The following CBLC variants were observed in gnomAD, a reference collection of about 807,000 sequenced individuals.
CBLC encodes the protein E3 ubiquitin-protein ligase CBL-C.
CBLC carries 46 observed loss-of-function variants against 58.6 expected under a neutral mutation model. That is an observed-to-expected ratio of 0.79 (90% CI 0.62 to 1.00). The LOEUF (loss-of-function observed/expected upper bound fraction) is 1.00. Among genes scored for constraint, CBLC ranks in the 50% least tolerant of loss-of-function variants. CBLC has a pLI of 0.00. For missense variants in CBLC, 655 were observed against 625.8 expected (o/e 1.05, Z -0.50); for synonymous variants, 271 against 264.2 (o/e 1.03, Z -0.25).
chr19:44,791,499 A>G (rs1011014921), intron 6 of CBLC, among the ~76,000 whole-genome samples: 9 of 151,942 alleles, frequency 5.9e-5, no homozygotes, highest in African/African-American at 1.9e-4. Flanking sequence ...TTGGGAGGCC[A>G]AGGCGGGCAG....
At chr19:44,788,821 C>G (rs1375417837) in intron 5 of CBLC, among the ~76,000 whole-genome samples, 1 of 152,148 alleles carries the variant, frequency 6.6e-6, no homozygotes, top group Admixed American at 6.6e-5. Flanking sequence ...CTTATTTAAT[C>G]CATCACAAAT....
At chr19:44,794,311 G>C (rs369770573) in intron 9 of CBLC, 30 bp downstream of exon 9, 2 of 1,606,808 alleles carry the variant, frequency 1.2e-6, no homozygotes, top group Non-Finnish European at 1.7e-6. Flanking sequence ...GAGGTTGGGG[G>C]CTGGGGTCTC....
chr19:44,797,926 A>C, intron 9 of CBLC, among the ~76,000 whole-genome samples: 1 of 151,846 alleles, frequency 6.6e-6, no homozygotes, highest in East Asian at 1.9e-4. Flanking sequence ...TTTTTTGAGC[A>C]GTGAGGCTGG....
Position 44,782,462 on chromosome 19 carries a change from T to C in CBLC, c.750T>C (p.Arg250=). 6.2e-7 allele frequency: 1 copy of C among 1,613,698 alleles called. No homozygotes were observed. Among genetic ancestry groups the C allele is most frequent in the East Asian group, 2.2e-5 (1 of 44,858 alleles). The change falls in exon 4 of 11, where the codon CGT becomes CGC. Residue 250 remains arginine, a synonymous_variant. Transcript: ENST00000647358. ...TCACCTATGATGAGGTCCAAGAGCG[T>C]CTGCAGGCCTGCAGGGACAAGCCAG... The part of the protein sequence containing the change: ...AFLTYDEVQE[R]LQACRDKPGS...
intron 9 of CBLC, among the ~76,000 whole-genome samples, chr19:44,795,054 T>C (rs1408056098): frequency 1.3e-5 from 2 of 151,444 alleles, no homozygotes; most frequent in Non-Finnish European, 1.5e-5. Flanking sequence ...GCCTCCCAGA[T>C]TCAAGCAATG....
chr19:44,787,348 C>G (rs1053071946), intron 5 of CBLC, among the ~76,000 whole-genome samples: 1 of 152,002 alleles, frequency 6.6e-6, no homozygotes, highest in African/African-American at 2.4e-5. Flanking sequence ...GAGCCGAGAT[C>G]GCGCCACTGT....
At chr19:44,783,913 T>C (rs1190565335) in intron 4 of CBLC, among the ~76,000 whole-genome samples, 1 of 152,216 alleles carries the variant, frequency 6.6e-6, no homozygotes, top group Non-Finnish European at 1.5e-5. Flanking sequence ...AGGGGGCACC[T>C]TGCTCTGACA....
chr19:44,798,533 G>T (rs1030793156), intron 9 of CBLC, among the ~76,000 whole-genome samples: 7 of 152,176 alleles, frequency 4.6e-5, no homozygotes, highest in Non-Finnish European at 8.8e-5. Flanking sequence ...GGCCAACATG[G>T]TGAAACCCCG....
At position 44,781,307 on chromosome 19, in the gene CBLC, A is replaced by C. The variant is rs1326165886; in HGVS notation, c.601A>C (p.Thr201Pro). 1.2e-6 allele frequency: 2 copies of C among 1,613,132 alleles called. No individual in the cohort carries two copies. Among genetic ancestry groups the C allele is most frequent in the Non-Finnish European group, 8.5e-7 (1 of 1,179,964 alleles). ...ALALRTTIDLTCSGHVSIFEF... is the reference protein window; with the variant it reads ...ALALRTTIDLPCSGHVSIFEF... ...GGCCTTGCGCACCACCATTGACCTCACCTGCAGCGGGCACGTGTCCATCTT... is the reference window on the plus strand; with the variant it reads ...GGCCTTGCGCACCACCATTGACCTCCCCTGCAGCGGGCACGTGTCCATCTT... Residue 201 changes from threonine (T) to proline (P), a missense_variant, in exon 3 of 11, where the codon ACC becomes CCC. Around this residue, in one of 3 missense-constraint regions of CBLC, gnomAD observed 371 missense variants for 370.8 expected, o/e 1.00. Coordinates refer to ENST00000647358, the MANE Select transcript of CBLC (RefSeq NM_012116.4).
chr19:44,778,415 C>G (rs866898652), intron 1 of CBLC, 131 bp downstream of exon 1: 4 of 690,174 alleles, frequency 5.8e-6, no homozygotes, highest in Admixed American at 6.6e-5. Flanking sequence ...CAGGCCCCCA[C>G]CACCTCCTCC....
chr19:44,786,399 G>A (rs902351412), intron 5 of CBLC, among the ~76,000 whole-genome samples: 1 of 151,454 alleles, frequency 6.6e-6, no homozygotes, highest in Non-Finnish European at 1.5e-5. Context: ...AGACCATCCT[G>A]CCTAACACTG....
intron 5 of CBLC, among the ~76,000 whole-genome samples, chr19:44,787,927 A>G (rs1967952454): frequency 1.3e-5 from 2 of 151,822 alleles, no homozygotes; most frequent in South Asian, 2.1e-4. Context: ...AACCTGGACA[A>G]CATAGTGAGC....
At chr19:44,785,710 C>G (rs552415583) in intron 5 of CBLC, among the ~76,000 whole-genome samples, 13 of 151,740 alleles carry the variant, frequency 8.6e-5, no homozygotes, top group Non-Finnish European at 1.5e-4. Context: ...CCAAGGCAGG[C>G]GGATCACCTG....
intron 1 of CBLC, among the ~76,000 whole-genome samples, chr19:44,779,680 TA>T (rs1489466495): frequency 5.9e-5 from 9 of 151,658 alleles, no homozygotes; most frequent in Admixed American, 5.9e-4. Flanking sequence ...GCCTCCCATG[TA>T]GCTGGGACCA....
Position 44,781,272 on chromosome 19 carries a change from G to T in CBLC, c.566G>T (p.Cys189Phe). The T allele has an allele frequency of 6.2e-7, 1 of 1,613,724 alleles. No homozygotes were observed. The highest frequency in any genetic ancestry group is 1.1e-5 in the South Asian group (1 of 91,088). Reference sequence around the variant, plus strand: ...ACCTGCCACCCTGTGGAACCAGGCTGCACAGCCCTGGCCTTGCGCACCACC... The same window carrying T: ...ACCTGCCACCCTGTGGAACCAGGCTTCACAGCCCTGGCCTTGCGCACCACC... ...LGTCHPVEPG[C>F]TALALRTTID... is the part of the protein sequence containing the mutation. The change falls in exon 3 of 11, where the codon TGC (cysteine) becomes TTC (phenylalanine). Residue 189 changes from cysteine to phenylalanine, a missense_variant. Coordinates refer to ENST00000647358, the MANE Select transcript of CBLC (RefSeq NM_012116.4).
intron 9 of CBLC, among the ~76,000 whole-genome samples, chr19:44,795,430 TCC>T (rs1268120861): frequency 6.6e-6 from 1 of 151,234 alleles, no homozygotes; most frequent in Non-Finnish European, 1.5e-5. Flanking sequence ...GGTGGGAGGG[TCC>T]CTTGATCCCA....
Position 44,781,192 on chromosome 19 carries a change from C to A in CBLC, c.501-15C>A. On this transcript the variant is annotated splice_polypyrimidine_tract_variant and intron_variant, in intron 2 of 10. Coordinates refer to ENST00000647358, the MANE Select transcript of CBLC (RefSeq NM_012116.4). ...GAGGCCTCAGCGGTGTCTCCCCCAC[C>A]CCTCTCCCACCCAGGTGTGTGCTGC... 1 of 1,602,894 alleles carries A rather than the reference C, an allele frequency of 6.2e-7. No homozygotes were observed.
chr19:44,795,609 G>A (rs1968161758), intron 9 of CBLC, among the ~76,000 whole-genome samples: 1 of 151,972 alleles, frequency 6.6e-6, no homozygotes. Flanking sequence ...GACCTTTCTG[G>A]GCAATATAGC....
Position 44,790,093 on chromosome 19 carries a change from T to C in CBLC, c.1005+2T>C, listed in dbSNP as rs1188031023. On this transcript the variant is annotated splice_donor_variant, in intron 6 of 10. Coordinates refer to ENST00000647358, the MANE Select transcript of CBLC (RefSeq NM_012116.4). LOFTEE classifies it high-confidence loss of function. The stretch of plus-strand genomic sequence containing the variant: ...CAGCAGCGCATCCACGTGTCAGAGG[T>C]GAGACCCGCACCTGCACCCGCAGTC... 2 of 1,612,048 alleles carry C rather than the reference T, an allele frequency of 1.2e-6. No homozygotes were observed. The highest frequency in any genetic ancestry group is 2.7e-5 in the African/African-American group (2 of 74,838).
Sources: allele counts gnomAD v4.1 joint callset (sites outside exome capture counted in the v4.1 genomes callset), GRCh38; gene constraint gnomAD v4.1.1; regional missense constraint gnomAD v4.1.1; transcripts MANE v1.5; gene names NCBI Gene and HGNC (gene_info 2026-07-23, HGNC 2026-07-21).